Variants in DENND2A observed in about 807,000 individuals in gnomAD.
The protein encoded by DENND2A is DENN domain-containing protein 2A.
In DENND2A, 53 loss-of-function variants were observed where a neutral mutation model predicts 105.3. The observed-to-expected ratio is 0.50, with a 90% CI of 0.40 to 0.63. The LOEUF is 0.63. Ranked by LOEUF, DENND2A falls within the 30% of genes least tolerant of loss-of-function variation. The pLI, the probability that DENND2A is intolerant of heterozygous loss-of-function variation, is 0.00. For synonymous variants in DENND2A, 522 were observed against 508.4 expected (o/e 1.03, Z -0.36); for missense variants, 1,138 against 1,279.6 (o/e 0.89, Z 1.69).
chr7:140,525,763 C>A lies in DENND2A; in HGVS notation c.2535G>T (p.Arg845=), dbSNP rs557027807. ...TGGCCTCACTCACCTGTCTGAGGAA[C>A]CGGCTGTTGACGAGGTCAACCACAA... The part of the protein sequence containing the change: ...EVLVVDLVNS[R]FLRQMDDEDS... The change falls in exon 16 of 20, where the codon CGG becomes CGT. Residue 845 remains arginine (R), a synonymous_variant. Coordinates refer to ENST00000496613, the MANE Select transcript of DENND2A (RefSeq NM_015689.5). 6.2e-6 allele frequency: 10 copies of A among 1,606,432 alleles called. No individual in the cohort carries two copies. The highest frequency in any genetic ancestry group is 4.0e-5 in the African/African-American group (3 of 74,758).
chr7:140,617,428 C>T (rs1022667944), intron 1 of DENND2A, among the ~76,000 whole-genome samples: 7 of 152,156 alleles, frequency 4.6e-5, no homozygotes, highest in Non-Finnish European at 1.0e-4. Flanking sequence ...ATAATACTTT[C>T]TTTTAACATC....
At chr7:140,548,495 C>G (rs763393684) in intron 12 of DENND2A, among the ~76,000 whole-genome samples, 5 of 152,088 alleles carry the variant, frequency 3.3e-5, no homozygotes, top group Non-Finnish European at 7.4e-5. Flanking sequence ...ACACTCCAGC[C>G]TGGGCAACAT....
chr7:140,544,436 C>G (rs1006185044), intron 14 of DENND2A, 182 bp downstream of exon 14: 8 of 731,084 alleles, frequency 1.1e-5, no homozygotes, highest in Non-Finnish European at 1.9e-5. Context: ...CTCAAGTGAT[C>G]CACCCACCTC....
chr7:140,602,177 T>C lies in DENND2A; in HGVS notation c.221A>G (p.Tyr74Cys). Reference sequence around the variant, plus strand: ...CCTCTCCACCGTAGAGGACGGCAGATAATCCTCCTGTCCGTCTGCTCTCCT... The same window carrying C: ...CCTCTCCACCGTAGAGGACGGCAGACAATCCTCCTGTCCGTCTGCTCTCCT... Reference protein sequence around the residue: ...PSRRADGQEDYLPSSTVERRS... With the variant: ...PSRRADGQEDCLPSSTVERRS... Residue 74 changes from tyrosine (Y) to cysteine (C), a missense_variant, in exon 3 of 20, where the codon TAT (tyrosine) becomes TGT (cysteine). Tyr to Cys is a radical substitution (Grantham distance 194). Coordinates refer to ENST00000496613, the MANE Select transcript of DENND2A (RefSeq NM_015689.5). 6.2e-7 allele frequency: 1 copy of C among 1,614,206 alleles called. No homozygotes were observed. The highest frequency in any genetic ancestry group is 8.5e-7 in the Non-Finnish European group (1 of 1,180,036).
chr7:140,624,847 T>C (rs1219844589), intron 1 of DENND2A, among the ~76,000 whole-genome samples: 1 of 149,330 alleles, frequency 6.7e-6, no homozygotes, highest in Non-Finnish European at 1.5e-5. Flanking sequence ...TTGTTTTTCT[T>C]TGTTTTTTTT....
intron 4 of DENND2A, among the ~76,000 whole-genome samples, chr7:140,587,438 T>G (rs1798828382): frequency 6.6e-6 from 1 of 152,136 alleles, no homozygotes; most frequent in Admixed American, 6.5e-5. Context: ...CATTACCAGC[T>G]AGTCTTCCCC....
In DENND2A at chr7:140,538,718, C is replaced by T. The variant is rs1483412996; in HGVS notation, c.2327+5900G>A. Among the ~76,000 whole-genome samples, 3 of 152,026 alleles carry T rather than the reference C, an allele frequency of 2.0e-5. No homozygotes were observed. The East Asian group carries it at 5.8e-4, about 29-fold the overall frequency. On this transcript the variant is annotated intron_variant, in intron 14 of 19. Transcript: ENST00000496613. ...ACGGGGTTTCACCATGTTGGCCAGG[C>T]TGGTCTTGAACTCCCAACCTCAGGC...
chr7:140,572,965 CATT>C (rs1203317854), intron 6 of DENND2A, among the ~76,000 whole-genome samples: 1 of 152,056 alleles, frequency 6.6e-6, no homozygotes, highest in Non-Finnish European at 1.5e-5. Context: ...AGGGAAGAAA[CATT>C]ATCAGCAGCG....
intron 3 of DENND2A, among the ~76,000 whole-genome samples, chr7:140,596,645 A>C (rs1342083891): frequency 6.6e-6 from 1 of 152,214 alleles, no homozygotes; most frequent in African/African-American, 2.4e-5. Context: ...GCTCCAAGGA[A>C]AGGCCAAATC....
In DENND2A at chr7:140,557,532, T is replaced by TATATATATATATATATA. The variant is rs71173208; in HGVS notation, c.1959+610_1959+611insTATATATATATATATAT. 2.0e-3 allele frequency among the ~76,000 whole-genome samples: 29 copies of TATATATATATATATATA among 14,252 alleles called. 1 individual carries two copies. The highest frequency in any genetic ancestry group is 6.9e-3 in the South Asian group (1 of 144). 9.3% of individuals were successfully genotyped at this position (14,252 alleles called of 152,430 possible). A position where few individuals can be genotyped will look rare whatever the true frequency, so the allele number is the denominator to read the frequency against. ...TAGTATATATATATATATATATATA[T>TATATATATATATATATA]TTTTTTTTTTTTTTTTTTTTTTTTT... On this transcript the variant is annotated intron_variant, in intron 11 of 19. Transcript: ENST00000496613.
intron 1 of DENND2A, among the ~76,000 whole-genome samples, chr7:140,619,585 C>T (rs1255418627): frequency 3.3e-5 from 5 of 152,068 alleles, no homozygotes; most frequent in South Asian, 2.1e-4. Flanking sequence ...CTGCAACCTC[C>T]GCCTCCTGGG....
Position 140,602,254 on chromosome 7 carries a change from G to A in DENND2A, c.144C>T (p.Asp48=), listed in dbSNP as rs1799542632. 6.2e-7 allele frequency: 1 copy of A among 1,613,586 alleles called. No homozygotes were observed. Among genetic ancestry groups the A allele is most frequent in the Non-Finnish European group, 8.5e-7 (1 of 1,180,022 alleles). ...RPRHKSLNIK[D]KISEWEGKKE... Reference sequence around the variant, plus strand: ...TCTTCCCTTCCCATTCTGATATCTTGTCCTTTATGTTGAGGGACTTGTGCC... The same window carrying A: ...TCTTCCCTTCCCATTCTGATATCTTATCCTTTATGTTGAGGGACTTGTGCC... The change falls in exon 3 of 20, where the codon GAC becomes GAT. Residue 48 remains aspartate (D), a synonymous_variant. Coordinates refer to ENST00000496613, the MANE Select transcript of DENND2A (RefSeq NM_015689.5).
chr7:140,547,840 C>T (rs959201709), intron 12 of DENND2A, among the ~76,000 whole-genome samples: 1 of 152,130 alleles, frequency 6.6e-6, no homozygotes, highest in Non-Finnish European at 1.5e-5. Context: ...TTGGATGACT[C>T]TTGAAAACAT....
intron 13 of DENND2A, among the ~76,000 whole-genome samples, chr7:140,546,156 A>G (rs1020402202): frequency 2.6e-5 from 4 of 152,088 alleles, no homozygotes; most frequent in Admixed American, 6.6e-5. Flanking sequence ...GCGGTGGCTC[A>G]CGCCTGTAAT....
chr7:140,563,823 A>G (rs994902963), intron 9 of DENND2A, among the ~76,000 whole-genome samples: 2 of 152,036 alleles, frequency 1.3e-5, no homozygotes, highest in Non-Finnish European at 2.9e-5. Flanking sequence ...AAAATAAATA[A>G]ATAAATAAGC....
intron 12 of DENND2A, among the ~76,000 whole-genome samples, chr7:140,549,923 A>G (rs1480216572): frequency 6.6e-6 from 1 of 152,224 alleles, no homozygotes; most frequent in African/African-American, 2.4e-5. Flanking sequence ...ACATACATAC[A>G]GTGGAATATT....
At chr7:140,533,664 A>G (rs1197240716) in intron 14 of DENND2A, among the ~76,000 whole-genome samples, 1 of 152,202 alleles carries the variant, frequency 6.6e-6, no homozygotes, top group Non-Finnish European at 1.5e-5. Flanking sequence ...GCTTGATGCG[A>G]GAAATGATGA....
Position 140,602,179 on chromosome 7 carries a change from A to G in DENND2A, c.219T>C (p.Asp73=). The G allele has an allele frequency of 6.2e-7, 1 of 1,613,956 alleles. No individual in the cohort carries two copies. The highest frequency in any genetic ancestry group is 8.5e-7 in the Non-Finnish European group (1 of 1,179,972). Residue 73 remains aspartate, a synonymous_variant, in exon 3 of 20, where the codon GAT becomes GAC. Coordinates refer to ENST00000496613, the MANE Select transcript of DENND2A (RefSeq NM_015689.5). ...TCTCCACCGTAGAGGACGGCAGATA[A>G]TCCTCCTGTCCGTCTGCTCTCCTGC... ...APSRRADGQE[D]YLPSSTVERR... is the part of the protein sequence containing the mutation.
chr7:140,587,520 G>A lies in DENND2A; in HGVS notation c.1123+133C>T, dbSNP rs933181071. ...ACCCCACCTGCCTGCTTTTTCATCC[G>A]AGTGCACAGGTGTCTTCAAGTGTGT... On this transcript the variant is annotated intron_variant, in intron 4 of 19. Transcript: ENST00000496613. 48 of 1,249,554 alleles carry A rather than the reference G, an allele frequency of 3.8e-5. No homozygotes were observed. In the African/African-American group the frequency reaches 5.1e-4, roughly 13 times the overall value. The allele number at this position is 1,249,554 out of a possible 1,614,324, so 77.4% of individuals were successfully genotyped here.
Sources: gnomAD v4.1 joint callset for allele counts (sites outside exome capture counted in the v4.1 genomes callset) on GRCh38, gnomAD v4.1.1 for gene constraint, MANE v1.5 for transcripts, NCBI Gene and HGNC (gene_info 2026-07-23, HGNC 2026-07-21) for gene names.